The following ASZ1 variants were observed in gnomAD, a reference collection of about 807,000 sequenced individuals.
The protein encoded by ASZ1 is ankyrin repeat, SAM and basic leucine zipper domain-containing protein 1.
A neutral mutation model predicts 61.8 loss-of-function variants in ASZ1; 67 were observed. The ratio of observed to expected loss-of-function variants is 1.08; its 90% confidence interval spans 0.89 to 1.33. The LOEUF (loss-of-function observed/expected upper bound fraction) is 1.33, where lower values mean the gene tolerates loss of function less well. Among genes scored for constraint, ASZ1 ranks in the 40% most tolerant of loss-of-function variants. The pLI is 0.00. For synonymous variants in ASZ1, 193 were observed against 192.7 expected (o/e 1.00, Z -0.01); for missense variants, 577 against 554.5 (o/e 1.04, Z -0.41).
At chr7:117,365,007 TA>T (rs756752539) in intron 12 of ASZ1, among the ~76,000 whole-genome samples, 9 of 151,534 alleles carry the variant, frequency 5.9e-5, no homozygotes, top group African/African-American at 1.7e-4. Flanking sequence ...TTATGTTTCT[TA>T]AAAAAAAATC....
At chr7:117,364,039 A>C (rs1795881345) in intron 12 of ASZ1, among the ~76,000 whole-genome samples, 1 of 152,172 alleles carries the variant, frequency 6.6e-6, no homozygotes, top group South Asian at 2.1e-4. Context: ...AGTAACTTTA[A>C]ATTTAAAGTT....
chr7:117,385,153 A>C (rs529491493), intron 5 of ASZ1, among the ~76,000 whole-genome samples: 15 of 152,260 alleles, frequency 9.9e-5, no homozygotes, highest in Admixed American at 7.9e-4. Flanking sequence ...ACAAAAAATA[A>C]TTCTTATGTA....
At chr7:117,368,276 G>A (rs1423336637) in intron 11 of ASZ1, 4 of 980,344 alleles carry the variant, frequency 4.1e-6, no homozygotes, top group Non-Finnish European at 4.9e-6. Context: ...TTATTGATAT[G>A]GTTTTTAAAT....
chr7:117,373,817 C>T (rs1160868124), intron 10 of ASZ1, among the ~76,000 whole-genome samples: 1 of 151,966 alleles, frequency 6.6e-6, no homozygotes, highest in African/African-American at 2.4e-5. Context: ...ATATAGGCAA[C>T]CCTGCCATCA....
At chr7:117,379,899 T>A (rs1190067873) in intron 10 of ASZ1, 39 bp downstream of exon 10, 1 of 1,311,502 alleles carries the variant, frequency 7.6e-7, no homozygotes, top group Admixed American at 1.8e-5. Context: ...AATTGGTTCT[T>A]AACACTATTA....
intron 4 of ASZ1, 66 bp from the exon 5 acceptor site, chr7:117,385,875 T>A: frequency 7.7e-7 from 1 of 1,299,774 alleles, no homozygotes; most frequent in Non-Finnish European, 1.1e-6. Context: ...TTTCATTAAT[T>A]TAACCATACA....
At chr7:117,421,767 G>C (rs1213985593) in intron 3 of ASZ1, among the ~76,000 whole-genome samples, 2 of 152,030 alleles carry the variant, frequency 1.3e-5, no homozygotes, top group African/African-American at 2.4e-5. Context: ...AATTAAACTG[G>C]ATTTGCTCAT....
In ASZ1 at chr7:117,419,969, T is replaced by C. The variant is rs564618120; in HGVS notation, c.440+194A>G. Among the ~76,000 whole-genome samples the C allele has an allele frequency of 6.6e-5, 10 of 152,344 alleles. No individual in the cohort carries two copies. The East Asian group carries it at 1.9e-3, about 29-fold the overall frequency. On this transcript the variant is annotated intron_variant, in intron 4 of 12. Transcript: ENST00000284629. ...AATTCTTATGACGTTTCTCTCAAAA[T>C]GTAGAGTTGAAAGACTACTTTCATG...
intron 4 of ASZ1, among the ~76,000 whole-genome samples, chr7:117,398,679 GC>G (rs1037275965): frequency 1.3e-5 from 2 of 152,054 alleles, no homozygotes; most frequent in Non-Finnish European, 2.9e-5. Flanking sequence ...TTATTCAATA[GC>G]TTTCATGATA....
chr7:117,381,520 C>T (rs1291090979), intron 8 of ASZ1, among the ~76,000 whole-genome samples: 1 of 152,078 alleles, frequency 6.6e-6, no homozygotes, highest in Non-Finnish European at 1.5e-5. Flanking sequence ...AAGAGTCTAT[C>T]TTAAATAGTG....
At chr7:117,403,468 T>A (rs1264182335) in intron 4 of ASZ1, among the ~76,000 whole-genome samples, 1 of 152,144 alleles carries the variant, frequency 6.6e-6, no homozygotes, top group East Asian at 1.9e-4. Context: ...GGTGTCCATT[T>A]TGTGTTACCG....
chr7:117,408,614 C>T (rs566669504), intron 4 of ASZ1, among the ~76,000 whole-genome samples: 13 of 152,004 alleles, frequency 8.6e-5, no homozygotes, highest in South Asian at 2.1e-4. Flanking sequence ...ATATTAATAA[C>T]GAAAAGCAAA....
chr7:117,388,036 ATAAAT>A (rs1396111475), intron 4 of ASZ1, among the ~76,000 whole-genome samples: 3 of 152,238 alleles, frequency 2.0e-5, no homozygotes, highest in African/African-American at 4.8e-5. Context: ...ATTTATGCCA[ATAAAT>A]TAGACAGTTT....
At chr7:117,415,797 C>T (rs894057958) in intron 4 of ASZ1, among the ~76,000 whole-genome samples, 6 of 152,160 alleles carry the variant, frequency 3.9e-5, no homozygotes, top group East Asian at 1.9e-4. Flanking sequence ...GTGATATTAA[C>T]GTTTAGTACA....
chr7:117,422,908 C>A (rs2116540455), intron 2 of ASZ1, among the ~76,000 whole-genome samples: 1 of 152,220 alleles, frequency 6.6e-6, no homozygotes, highest in East Asian at 1.9e-4. Flanking sequence ...GAACTGACAT[C>A]ATTACATATG....
At chr7:117,413,527 CTG>C (rs1450405585) in intron 4 of ASZ1, among the ~76,000 whole-genome samples, 1 of 151,978 alleles carries the variant, frequency 6.6e-6, no homozygotes, top group East Asian at 1.9e-4. Context: ...ATACCGTACA[CTG>C]TGTTAAATAT....
chr7:117,425,883 C>T (rs959769442), intron 2 of ASZ1, among the ~76,000 whole-genome samples: 3 of 151,844 alleles, frequency 2.0e-5, no homozygotes, highest in African/African-American at 4.8e-5. Flanking sequence ...CCGGCTACTC[C>T]GGAGGCTGAG....
chr7:117,426,415 G>C (rs530086728), intron 2 of ASZ1, among the ~76,000 whole-genome samples: 2 of 132,402 alleles, frequency 1.5e-5, no homozygotes, highest in Admixed American at 9.0e-5. Context: ...GCTTGAACCC[G>C]AAGGTGGAGA....
At chr7:117,392,261 A>G (rs2116486250) in intron 4 of ASZ1, among the ~76,000 whole-genome samples, 1 of 152,176 alleles carries the variant, frequency 6.6e-6, no homozygotes, top group Middle Eastern at 3.4e-3. Flanking sequence ...TTTGTTTGTC[A>G]TTTATAATTT....
Sources: allele counts gnomAD v4.1 joint callset (sites outside exome capture counted in the v4.1 genomes callset), GRCh38; gene constraint gnomAD v4.1.1; transcripts MANE v1.5; gene names NCBI Gene and HGNC (gene_info 2026-07-23, HGNC 2026-07-21).